The following SNX24 variants were observed in gnomAD, a reference collection of about 807,000 sequenced individuals.
The protein encoded by SNX24 is sorting nexin 24, also known as sorting nexin-24.
SNX24 carries 22 observed loss-of-function variants against 28.7 expected under a neutral mutation model. The ratio of observed to expected loss-of-function variants is 0.77; its 90% CI spans 0.55 to 1.10. The LOEUF is 1.10. SNX24 is among the 50% of genes least tolerant of loss of function. The pLI, the probability that SNX24 is intolerant of heterozygous loss-of-function variation, is 0.00. For missense variants in SNX24, 221 were observed against 201.1 expected (o/e 1.10, Z -0.60); for synonymous variants, 69 against 71.5 (o/e 0.96, Z 0.18).
intron 3 of SNX24, among the ~76,000 whole-genome samples, chr5:122,955,621 T>C (rs968793204): frequency 6.6e-6 from 1 of 152,218 alleles, no homozygotes; most frequent in African/African-American, 2.4e-5. Flanking sequence ...CACTTGGCCC[T>C]CGTTGATACC....
intron 1 of SNX24, among the ~76,000 whole-genome samples, chr5:122,848,241 A>G (rs984245851): frequency 6.6e-5 from 10 of 152,258 alleles, no homozygotes; most frequent in African/African-American, 2.2e-4. Context: ...TAGCACAGGC[A>G]TAAATCACCA....
intron 3 of SNX24, among the ~76,000 whole-genome samples, chr5:122,985,762 A>G (rs1235177224): frequency 6.6e-5 from 10 of 152,194 alleles, no homozygotes; most frequent in Admixed American, 5.9e-4. Flanking sequence ...ACTTCAGCAT[A>G]AAGTTTCTCT....
chr5:122,914,461 A>G lies in SNX24; in HGVS notation c.61-22273A>G, dbSNP rs1455241632. 2.0e-5 allele frequency among the ~76,000 whole-genome samples: 3 copies of G among 151,750 alleles called. No homozygotes were observed. In the East Asian group the frequency reaches 5.8e-4, roughly 29 times the overall value. On this transcript the variant is annotated intron_variant, in intron 1 of 6. Transcript: ENST00000261369. ...TTTTTCTATTGATTGGAATAGTTTCAGAAGGAATGGTACCAGTTCCTCCTT... is the reference window on the plus strand; with the variant it reads ...TTTTTCTATTGATTGGAATAGTTTCGGAAGGAATGGTACCAGTTCCTCCTT...
intron 1 of SNX24, among the ~76,000 whole-genome samples, chr5:122,848,827 C>G (rs1425697873): frequency 6.6e-6 from 1 of 152,132 alleles, no homozygotes; most frequent in South Asian, 2.1e-4. Context: ...TCTCATTCCC[C>G]CAGAAGTAAA....
At chr5:123,016,604 T>C (rs980165386) in intron 5 of SNX24, among the ~76,000 whole-genome samples, 2 of 152,118 alleles carry the variant, frequency 1.3e-5, no homozygotes, top group African/African-American at 4.8e-5. Flanking sequence ...AGGAGGCCAC[T>C]TGAGTAGATG....
At chr5:122,978,079 A>G (rs1026457194) in intron 3 of SNX24, among the ~76,000 whole-genome samples, 4 of 152,156 alleles carry the variant, frequency 2.6e-5, no homozygotes, top group South Asian at 2.1e-4. Context: ...CTTTTCTCCT[A>G]TATAACAAAT....
At chr5:122,916,927 G>A (rs1000360401) in intron 1 of SNX24, among the ~76,000 whole-genome samples, 4 of 152,110 alleles carry the variant, frequency 2.6e-5, no homozygotes, top group South Asian at 4.1e-4. Context: ...CTGTTATTGA[G>A]ATCTAGAAAA....
chr5:122,894,076 T>G (rs369474203), intron 1 of SNX24, among the ~76,000 whole-genome samples: 5 of 152,108 alleles, frequency 3.3e-5, no homozygotes, highest in African/African-American at 9.7e-5. Context: ...TTGTTCTGTA[T>G]TGTTATGTAA....
At chr5:122,951,645 T>A (rs989383280) in intron 3 of SNX24, among the ~76,000 whole-genome samples, 1 of 152,180 alleles carries the variant, frequency 6.6e-6, no homozygotes, top group Non-Finnish European at 1.5e-5. Flanking sequence ...TAAGAATGAA[T>A]AAACTCCAAC....
chr5:122,846,065 A>C (rs185390436), intron 1 of SNX24, among the ~76,000 whole-genome samples: 248 of 150,726 alleles, frequency 1.6e-3, no homozygotes, highest in African/African-American at 5.7e-3. Context: ...CGGCAGATTC[A>C]CGCTGGCTTC....
chr5:122,845,722 C>A, intron 1 of SNX24, 29 bp downstream of exon 1: 1 of 1,329,898 alleles, frequency 7.5e-7, no homozygotes, highest in Non-Finnish European at 9.7e-7. Flanking sequence ...CGGACAGGGC[C>A]CCGCGAGCCA....
intron 1 of SNX24, among the ~76,000 whole-genome samples, chr5:122,916,831 G>C (rs1298460088): frequency 2.0e-5 from 3 of 152,098 alleles, no homozygotes; most frequent in Non-Finnish European, 4.4e-5. Flanking sequence ...TGGGATGTGG[G>C]CTCTTTATGC....
intron 5 of SNX24, chr5:123,029,022 C>T: frequency 1.2e-6 from 1 of 822,076 alleles, no homozygotes; most frequent in African/African-American, 1.7e-5. Context: ...AGAAATTTAT[C>T]ATTAGCTGAC....
At chr5:123,022,888 T>C in intron 5 of SNX24, 1 of 152,462 alleles carries the variant, frequency 6.6e-6, no homozygotes, top group South Asian at 2.1e-4. Flanking sequence ...ACTACAGCCT[T>C]GATCTCCTGG....
chr5:122,995,501 T>G (rs548293009), intron 3 of SNX24, among the ~76,000 whole-genome samples: 1 of 152,272 alleles, frequency 6.6e-6, no homozygotes, highest in Non-Finnish European at 1.5e-5. Context: ...AATATTGCCT[T>G]AAGTGGGGTG....
chr5:122,931,045 TTTAGAG>T (rs1296641304), intron 1 of SNX24, among the ~76,000 whole-genome samples: 1 of 152,208 alleles, frequency 6.6e-6, no homozygotes, highest in African/African-American at 2.4e-5. Flanking sequence ...GCTTACTATA[TTTAGAG>T]AATTGTTTTT....
intron 5 of SNX24, chr5:123,028,823 C>T (rs1176161560): frequency 1.2e-6 from 2 of 1,613,782 alleles, no homozygotes; most frequent in Non-Finnish European, 1.7e-6. Flanking sequence ...ATCATGAAAT[C>T]CTTGATGACA....
chr5:122,899,279 A>C (rs1364374691), intron 1 of SNX24, among the ~76,000 whole-genome samples: 2 of 152,310 alleles, frequency 1.3e-5, no homozygotes, highest in African/African-American at 4.8e-5. Flanking sequence ...GAGGGTTGGC[A>C]TAGGTAGTAG....
At chr5:122,900,920 G>T (rs1479851137) in intron 1 of SNX24, among the ~76,000 whole-genome samples, 2 of 152,144 alleles carry the variant, frequency 1.3e-5, no homozygotes, top group African/African-American at 4.8e-5. Context: ...GCAAAATATG[G>T]CCAGGTGTGG....
Sources: gnomAD v4.1 joint callset for allele counts (sites outside exome capture counted in the v4.1 genomes callset) on GRCh38, gnomAD v4.1.1 for gene constraint, MANE v1.5 for transcripts, NCBI Gene and HGNC (gene_info 2026-07-23, HGNC 2026-07-21) for gene names.